PCNX1: variants seen among roughly 807,000 people sequenced by gnomAD.
PCNX1 encodes pecanex-like protein 1.
PCNX1 carries 78 observed loss-of-function variants against 242.2 expected under a neutral mutation model. That is an observed-to-expected ratio of 0.32 (90% confidence interval 0.27 to 0.39). The LOEUF is 0.39. Among genes scored for constraint, PCNX1 ranks in the 10% least tolerant of loss-of-function variants. The pLI, the probability that PCNX1 is intolerant of heterozygous loss-of-function variation, is 1.00. For missense variants in PCNX1, 2,581 were observed against 2,856.5 expected (o/e 0.90, Z 2.20); for synonymous variants, 1,024 against 1,032.9 (o/e 0.99, Z 0.17).
At chr14:71,078,231 C>A (rs2061765424) in intron 28 of PCNX1, among the ~76,000 whole-genome samples, 1 of 152,142 alleles carries the variant, frequency 6.6e-6, no homozygotes, top group Non-Finnish European at 1.5e-5. Flanking sequence ...TTAAGTTGAA[C>A]AAGATTATCT....
At chr14:70,925,760 C>A (rs2056566448) in intron 1 of PCNX1, among the ~76,000 whole-genome samples, 1 of 152,066 alleles carries the variant, frequency 6.6e-6, no homozygotes, top group Non-Finnish European at 1.5e-5. Flanking sequence ...TAATCCTCAT[C>A]ATAGCTTTGT....
intron 11 of PCNX1, among the ~76,000 whole-genome samples, chr14:71,015,949 T>G (rs2059952388): frequency 6.6e-6 from 1 of 152,154 alleles, no homozygotes; most frequent in Non-Finnish European, 1.5e-5. Flanking sequence ...TCTCAGCACT[T>G]TGGGAGTCTG....
intron 4 of PCNX1, among the ~76,000 whole-genome samples, chr14:70,968,802 G>A (rs1162607949): frequency 6.6e-6 from 1 of 152,162 alleles, no homozygotes; most frequent in African/African-American, 2.4e-5. Context: ...TTTCCACATT[G>A]TTTGGTTTGT....
intron 15 of PCNX1, among the ~76,000 whole-genome samples, chr14:71,028,221 GTTA>G (rs1309652152): frequency 6.6e-6 from 1 of 150,928 alleles, no homozygotes; most frequent in African/African-American, 2.4e-5. Flanking sequence ...TTTTGTTGTT[GTTA>G]TTGTTAGCAA....
intron 28 of PCNX1, among the ~76,000 whole-genome samples, chr14:71,087,979 A>G (rs1253474771): frequency 3.3e-5 from 5 of 152,040 alleles, no homozygotes; most frequent in Non-Finnish European, 7.3e-5. Context: ...AAAAAAAGAA[A>G]GAAGTAGCTA....
At chr14:70,922,286 T>C (rs2140097720) in intron 1 of PCNX1, among the ~76,000 whole-genome samples, 1 of 152,274 alleles carries the variant, frequency 6.6e-6, no homozygotes, top group Admixed American at 6.5e-5. Context: ...TAGTTAAGTA[T>C]ATATAGAAAA....
At chr14:70,966,386 C>G (rs1309324728) in intron 3 of PCNX1, among the ~76,000 whole-genome samples, 1 of 152,194 alleles carries the variant, frequency 6.6e-6, no homozygotes, top group Non-Finnish European at 1.5e-5. Context: ...CTGCAGTTCT[C>G]TAGGCTTTTT....
At chr14:70,963,650 G>A (rs17108786) in intron 3 of PCNX1, among the ~76,000 whole-genome samples, 247 of 152,276 alleles carry the variant, frequency 1.6e-3, no homozygotes, top group African/African-American at 5.7e-3. Context: ...TAAAGTTAAA[G>A]TGAATGACTA....
intron 30 of PCNX1, among the ~76,000 whole-genome samples, chr14:71,097,167 G>A (rs2062311924): frequency 6.6e-6 from 1 of 152,130 alleles, no homozygotes; most frequent in Admixed American, 6.5e-5. Flanking sequence ...TGGCTGCGTA[G>A]TATTCCATGG....
chr14:70,953,957 G>A lies in PCNX1; in HGVS notation c.362+6834G>A, dbSNP rs75251916. ...TGCTGGGATTACAGGCGTGATCCAC[G>A]CGCCTGGCTAGCATTTTTGTGTCTG... is the stretch of plus-strand genomic sequence containing the variant. On this transcript the variant is annotated intron_variant, in intron 2 of 35. Coordinates refer to ENST00000304743, the MANE Select transcript of PCNX1 (RefSeq NM_014982.3). Among the ~76,000 whole-genome samples the A allele has an allele frequency of 6.8e-4, 103 of 152,216 alleles. 3 individuals are homozygous for A. The East Asian group carries it at 0.018, about 27-fold the overall frequency.
At chr14:70,998,932 G>A (rs187429964) in intron 8 of PCNX1, among the ~76,000 whole-genome samples, 6 of 152,086 alleles carry the variant, frequency 3.9e-5, no homozygotes, top group Admixed American at 3.3e-4. Context: ...ATTCTTCAAT[G>A]TAATATGTTG....
At chr14:70,947,554 A>G (rs183646459) in intron 2 of PCNX1, among the ~76,000 whole-genome samples, 52 of 152,266 alleles carry the variant, frequency 3.4e-4, no homozygotes, top group African/African-American at 1.0e-3. Context: ...CACTTCCTCA[A>G]TCAGTACTCT....
intron 8 of PCNX1, among the ~76,000 whole-genome samples, chr14:70,996,665 G>T (rs190213785): frequency 1.3e-5 from 2 of 152,138 alleles, no homozygotes; most frequent in African/African-American, 4.8e-5. Context: ...CAGAATGCAG[G>T]TTAGTAATGG....
rs145637430 is a variant in PCNX1 at position 70,976,270 on chromosome 14, G to C, written c.605-672G>C. 8.9e-3 allele frequency among the ~76,000 whole-genome samples: 1,351 copies of C among 152,194 alleles called. 9 individuals are homozygous for C. Among genetic ancestry groups the C allele is most frequent in the South Asian group, 0.017 (82 of 4,820 alleles). ...AGATGAGGAAACAGATTTACAGGGGGGTAACCCAAAGTTACCAAGTTAGTA... is the reference window on the plus strand; with the variant it reads ...AGATGAGGAAACAGATTTACAGGGGCGTAACCCAAAGTTACCAAGTTAGTA... On this transcript the variant is annotated intron_variant, in intron 5 of 35. Transcript: ENST00000304743.
intron 2 of PCNX1, among the ~76,000 whole-genome samples, chr14:70,954,995 C>T (rs901303309): frequency 2.0e-5 from 3 of 152,134 alleles, no homozygotes; most frequent in Non-Finnish European, 4.4e-5. Flanking sequence ...TATCACTGTG[C>T]GTGGTACATT....
At chr14:70,922,327 T>C (rs1446321705) in intron 1 of PCNX1, among the ~76,000 whole-genome samples, 1 of 152,178 alleles carries the variant, frequency 6.6e-6, no homozygotes, top group Non-Finnish European at 1.5e-5. Context: ...TTAATAGGTA[T>C]TAGACAAAAA....
chr14:71,014,273 T>A (rs1004563819), intron 11 of PCNX1, among the ~76,000 whole-genome samples: 1 of 152,140 alleles, frequency 6.6e-6, no homozygotes, highest in Non-Finnish European at 1.5e-5. Flanking sequence ...TCAAACTGTT[T>A]CCAAGTAACA....
chr14:71,074,104 T>G (rs2061652794), intron 27 of PCNX1, among the ~76,000 whole-genome samples: 1 of 152,222 alleles, frequency 6.6e-6, no homozygotes, highest in Admixed American at 6.5e-5. Context: ...TGTATCTTAC[T>G]TAATACTGTA....
chr14:71,092,346 T>A (rs961378493), intron 30 of PCNX1, among the ~76,000 whole-genome samples: 3 of 152,190 alleles, frequency 2.0e-5, no homozygotes, highest in Admixed American at 2.0e-4. Flanking sequence ...CTATGAACAC[T>A]AATGTTATTC....
Sources: gnomAD v4.1 joint callset for allele counts (sites outside exome capture counted in the v4.1 genomes callset) on GRCh38, gnomAD v4.1.1 for gene constraint, MANE v1.5 for transcripts, NCBI Gene and HGNC (gene_info 2026-07-23, HGNC 2026-07-21) for gene names.